OR3A2: variants seen among roughly 807,000 people sequenced by gnomAD.
OR3A2 encodes olfactory receptor 3A2.
For missense variants in OR3A2, 318 were observed against 392.8 expected, an observed-to-expected ratio of 0.81 and a Z score of 1.61; for synonymous variants, 126 against 159.3, an observed-to-expected ratio of 0.79 and a Z score of 1.57.
upstream of OR3A2, among the ~76,000 whole-genome samples, chr17:3,286,212 A>G (rs2048809185): frequency 6.6e-6 from 1 of 152,136 alleles, no homozygotes; most frequent in South Asian, 2.1e-4. Flanking sequence ...GATGGTTTCC[A>G]GCTTCATCCA....
intron 2 of OR3A2, among the ~76,000 whole-genome samples, chr17:3,374,212 C>T (rs964409424): frequency 1.3e-5 from 2 of 152,174 alleles, no homozygotes; most frequent in Non-Finnish European, 2.9e-5. Context: ...GATGCCTTTG[C>T]CTCACAGCTC....
At chr17:3,349,535 G>C (rs148336712) in intron 2 of OR3A2, among the ~76,000 whole-genome samples, 2,331 of 152,216 alleles carry the variant, frequency 0.015, 64 homozygotes, top group African/African-American at 0.052. Flanking sequence ...CATACAGCAA[G>C]TCCTGAGTGA....
rs547249742 is a variant in OR3A2, at chr17:3,360,454, G to T, written c.-179+23350C>A. On this transcript the variant is annotated intron_variant, in intron 2 of 4. Coordinates refer to the OR3A2 transcript ENST00000573491. The stretch of plus-strand genomic sequence containing the variant: ...CCAGTTGTCAATTTTGGCTTTTGTT[G>T]CCATTGCTTTTGGTGTTTTAGACAT... Among the ~76,000 whole-genome samples, 156 of 151,824 alleles carry T rather than the reference G, an allele frequency of 1.0e-3. 8 individuals carry two copies. Among genetic ancestry groups the T allele is most frequent in the African/African-American group, 3.5e-3 (142 of 41,122 alleles).
intron 2 of OR3A2, among the ~76,000 whole-genome samples, chr17:3,382,040 T>C: frequency 6.6e-6 from 1 of 150,594 alleles, no homozygotes; most frequent in Non-Finnish European, 1.5e-5. Flanking sequence ...GAAGCAGGAG[T>C]GAGGTGTTCG....
chr17:3,375,742 A>G (rs1342258378), intron 2 of OR3A2, among the ~76,000 whole-genome samples: 1 of 152,108 alleles, frequency 6.6e-6, no homozygotes, highest in Non-Finnish European at 1.5e-5. Context: ...TAGTGGAAAA[A>G]TCTGGAACTC....
intron 2 of OR3A2, among the ~76,000 whole-genome samples, chr17:3,353,150 A>C (rs2049434572): frequency 6.7e-6 from 1 of 150,098 alleles, no homozygotes. Context: ...TATCTAGGTT[A>C]ATTTTAATAA....
intron 2 of OR3A2, among the ~76,000 whole-genome samples, chr17:3,372,269 G>A (rs1312270858): frequency 2.2e-4 from 32 of 148,552 alleles, no homozygotes; most frequent in Admixed American, 5.3e-4. Context: ...ATGGGATGGC[G>A]GCCGGGAAGA....
chr17:3,345,731 A>C (rs2049358708), intron 2 of OR3A2, among the ~76,000 whole-genome samples: 2 of 152,214 alleles, frequency 1.3e-5, no homozygotes, highest in South Asian at 4.1e-4. Context: ...CAAAGTTTTA[A>C]CATCTGAAGA....
intron 1 of OR3A2, among the ~76,000 whole-genome samples, chr17:3,281,694 G>A (rs1272330594): frequency 1.3e-5 from 2 of 152,096 alleles, no homozygotes. Context: ...ACCCTGAAGG[G>A]AGAGCAGGAA....
At chr17:3,325,278 C>A (rs955682928) in intron 3 of OR3A2, among the ~76,000 whole-genome samples, 3 of 143,498 alleles carry the variant, frequency 2.1e-5, no homozygotes, top group Admixed American at 7.3e-5. Flanking sequence ...GGTGCAATCT[C>A]AACTCACTGC....
At chr17:3,370,382 G>A (rs1032671381) in intron 2 of OR3A2, among the ~76,000 whole-genome samples, 20 of 152,088 alleles carry the variant, frequency 1.3e-4, no homozygotes, top group African/African-American at 4.6e-4. Context: ...CTCCCATTTT[G>A]TTTCTAAGTG....
chr17:3,320,112 A>G (rs2049107817), intron 3 of OR3A2, among the ~76,000 whole-genome samples: 1 of 152,144 alleles, frequency 6.6e-6, no homozygotes. Context: ...TTTGATTTGC[A>G]TTTCTCTGAT....
chr17:3,324,091 C>T (rs427121), intron 3 of OR3A2, among the ~76,000 whole-genome samples: 40 of 151,876 alleles, frequency 2.6e-4, no homozygotes, highest in African/African-American at 9.7e-4. Flanking sequence ...TTCTCTTCTC[C>T]CTTCCTTTCA....
At chr17:3,347,100 T>C (rs78041321) in intron 2 of OR3A2, among the ~76,000 whole-genome samples, 13,153 of 152,200 alleles carry the variant, frequency 0.086, 1,077 homozygotes, top group East Asian at 0.48. Flanking sequence ...TTCTACTTTA[T>C]TGAGGAACCT....
intron 2 of OR3A2, among the ~76,000 whole-genome samples, chr17:3,346,026 G>A (rs566369254): frequency 2.0e-5 from 3 of 152,150 alleles, no homozygotes; most frequent in South Asian, 2.1e-4. Context: ...CAGGCTAGGT[G>A]TTTTGTACTA....
chr17:3,345,106 T>C (rs1271317465), intron 2 of OR3A2, among the ~76,000 whole-genome samples: 5 of 152,044 alleles, frequency 3.3e-5, no homozygotes, highest in African/African-American at 4.8e-5. Context: ...GAGAGGTGGA[T>C]CTGATGAAGA....
intron 2 of OR3A2, among the ~76,000 whole-genome samples, chr17:3,342,657 G>A (rs151031409): frequency 2.0e-5 from 3 of 152,268 alleles, no homozygotes; most frequent in Non-Finnish European, 2.9e-5. Flanking sequence ...TGGAAGCTTC[G>A]TCTCAGAGGG....
intron 3 of OR3A2, among the ~76,000 whole-genome samples, chr17:3,332,889 A>G (rs1346066485): frequency 1.3e-5 from 2 of 152,182 alleles, no homozygotes; most frequent in Non-Finnish European, 2.9e-5. Flanking sequence ...CAGGACCACT[A>G]TTGTACAAAC....
chr17:3,307,628 A>G (rs533371285), intron 3 of OR3A2, among the ~76,000 whole-genome samples: 1 of 152,358 alleles, frequency 6.6e-6, no homozygotes, highest in Admixed American at 6.5e-5. Context: ...GCATGAGACT[A>G]GAAAACATTT....
Sources: gnomAD v4.1 joint callset for allele counts (sites outside exome capture counted in the v4.1 genomes callset) on GRCh38, gnomAD v4.1.1 for gene constraint, MANE v1.5 for transcripts, NCBI Gene and HGNC (gene_info 2026-07-23, HGNC 2026-07-21) for gene names.